Variants in GALNT9 observed in about 807,000 individuals in gnomAD.
The protein encoded by GALNT9 is polypeptide N-acetylgalactosaminyltransferase 9.
Under a neutral mutation model 63.1 loss-of-function variants are expected in GALNT9, and 47 were observed. The observed-to-expected ratio is 0.75, with a 90% confidence interval of 0.59 to 0.95. GALNT9 has a LOEUF of 0.95. Ranked by LOEUF, GALNT9 falls within the 40% of genes least tolerant of loss-of-function variation. The pLI is 0.00. For synonymous variants in GALNT9, 396 were observed against 365.7 expected (o/e 1.08, Z -0.94); for missense variants, 829 against 874.8 (o/e 0.95, Z 0.66).
intron 6 of GALNT9, among the ~76,000 whole-genome samples, chr12:132,239,319 CTG>C (rs1491247119): frequency 2.8e-5 from 2 of 70,474 alleles, no homozygotes; most frequent in East Asian, 4.5e-4. Context: ...CACTGAGAGA[CTG>C]AGAGAGAGAG....
Position 132,215,260 on chromosome 12 carries a change from A to C in GALNT9, c.1078-11570T>G, listed in dbSNP as rs74691071. On this transcript the variant is annotated intron_variant, in intron 6 of 10. Transcript: ENST00000328957. Reference sequence around the variant, plus strand: ...GGTGACACAGCCCAGGCTCTCAGGGACAAAAGTACTTCCTCGCACACCGAG... The same window carrying C: ...GGTGACACAGCCCAGGCTCTCAGGGCCAAAAGTACTTCCTCGCACACCGAG... Among the ~76,000 whole-genome samples, 101 of 152,338 alleles carry C rather than the reference A, an allele frequency of 6.6e-4. 1 individual carries two copies. In the East Asian group the frequency reaches 0.015, roughly 22 times the overall value.
At chr12:132,328,527 A>G (rs1163933355) in intron 1 of GALNT9, among the ~76,000 whole-genome samples, 20 of 152,120 alleles carry the variant, frequency 1.3e-4, no homozygotes, top group Admixed American at 2.0e-4. Flanking sequence ...CAGCCTCCCA[A>G]GTGTGGCGTC....
intron 2 of GALNT9, chr12:132,283,249 TCC>T (rs1555241860): frequency 1.3e-5 from 2 of 152,288 alleles, no homozygotes; most frequent in Non-Finnish European, 2.9e-5. Flanking sequence ...GCAGCCTTCC[TCC>T]CTTACAGCAA....
At chr12:132,266,963 G>T (rs564067892) in intron 2 of GALNT9, among the ~76,000 whole-genome samples, 1 of 152,156 alleles carries the variant, frequency 6.6e-6, no homozygotes. Context: ...GCATCCTGGC[G>T]TCTCTGAGAA....
At chr12:132,287,901 G>A (rs1356908849) in intron 1 of GALNT9, among the ~76,000 whole-genome samples, 1 of 152,118 alleles carries the variant, frequency 6.6e-6, no homozygotes, top group Non-Finnish European at 1.5e-5. Flanking sequence ...GGAGTCTCTG[G>A]GGCATCTTGG....
In GALNT9 at chr12:132,243,829, T is replaced by G. The variant is rs1223903453; in HGVS notation, c.1077+4081A>C. On this transcript the variant is annotated intron_variant, in intron 6 of 10. Transcript: ENST00000328957. ...ATCAGCCGCTGTCCCAGCCCACCCGTCAATCACCCATCAATCACCGGCCAA... is the reference window on the plus strand; with the variant it reads ...ATCAGCCGCTGTCCCAGCCCACCCGGCAATCACCCATCAATCACCGGCCAA... Among the ~76,000 whole-genome samples the G allele has an allele frequency of 2.0e-5, 3 of 152,214 alleles. No homozygotes were observed. The East Asian group carries it at 5.8e-4, about 29-fold the overall frequency.
intron 1 of GALNT9, among the ~76,000 whole-genome samples, chr12:132,322,056 G>C (rs1183350019): frequency 6.6e-6 from 1 of 152,032 alleles, no homozygotes; most frequent in Non-Finnish European, 1.5e-5. Context: ...TGGATTTAGG[G>C]CCCACTAATC....
intron 1 of GALNT9, among the ~76,000 whole-genome samples, chr12:132,290,101 C>A (rs1880749735): frequency 6.6e-6 from 1 of 152,138 alleles, no homozygotes; most frequent in African/African-American, 2.4e-5. Context: ...TCACTGCTCT[C>A]TGCAGTGGCT....
At chr12:132,256,337 C>T (rs1555239080) in intron 5 of GALNT9, among the ~76,000 whole-genome samples, 1 of 151,858 alleles carries the variant, frequency 6.6e-6, no homozygotes, top group Non-Finnish European at 1.5e-5. Context: ...TGAGCCTCTA[C>T]ATCTCACCAC....
At chr12:132,253,263 C>T (rs1555238743) in intron 5 of GALNT9, among the ~76,000 whole-genome samples, 2 of 151,970 alleles carry the variant, frequency 1.3e-5, no homozygotes, top group Non-Finnish European at 1.5e-5. Context: ...CGGATGACTG[C>T]GGGCAGGCCT....
chr12:132,222,755 G>T (rs917377936), intron 6 of GALNT9, among the ~76,000 whole-genome samples: 1 of 151,742 alleles, frequency 6.6e-6, no homozygotes, highest in Non-Finnish European at 1.5e-5. Flanking sequence ...CTGGGAGGCC[G>T]CTTTCTCATG....
Position 132,286,184 on chromosome 12 carries a change from G to A in GALNT9, c.419+66C>T. 1.3e-6 allele frequency: 2 copies of A among 1,489,748 alleles called. No individual in the cohort carries two copies. Among genetic ancestry groups the A allele is most frequent in the Non-Finnish European group, 1.8e-6 (2 of 1,110,694 alleles). 92.3% of individuals were successfully genotyped at this position (1,489,748 alleles called of 1,614,324 possible). A position where few individuals can be genotyped will look rare whatever the true frequency, so the allele number is the denominator to read the frequency against. On this transcript the variant is annotated intron_variant, in intron 2 of 10. Coordinates refer to ENST00000328957, the MANE Select transcript of GALNT9 (RefSeq NM_001122636.2). This position sits in a 1 kb window ranked among gnomAD's most constrained non-coding sequence, Gnocchi z 7.4. ...CGGCGTGGGGGGCAGTCACTTCCCT[G>A]GCCAGTGTGGGGGGCGGTCACTTCC...
intron 1 of GALNT9, 24 bp downstream of exon 1, chr12:132,328,942 C>T: frequency 3.3e-6 from 5 of 1,498,816 alleles, no homozygotes; most frequent in Non-Finnish European, 4.4e-6. Context: ...GCTGCCCCCA[C>T]TCCGCCCCGG....
chr12:132,315,945 G>C lies in GALNT9; in HGVS notation c.238+13021C>G, dbSNP rs571238571. 2.6e-5 allele frequency among the ~76,000 whole-genome samples: 4 copies of C among 152,334 alleles called. No individual in the cohort carries two copies. In the South Asian group the frequency reaches 8.3e-4, roughly 32 times the overall value. On this transcript the variant is annotated intron_variant, in intron 1 of 10. Coordinates refer to ENST00000328957, the MANE Select transcript of GALNT9 (RefSeq NM_001122636.2). The surrounding 1 kb of genome is among the most constrained non-coding windows in gnomAD (Gnocchi z 6.1). ...GAGAAAGCGGACAGCCTCTGGCCCT[G>C]AGAACAGTCTCCAGAATGTTCGAGA...
At chr12:132,325,042 T>C (rs28689573) in intron 1 of GALNT9, among the ~76,000 whole-genome samples, 31,732 of 151,930 alleles carry the variant, frequency 0.21, 3,426 homozygotes, top group East Asian at 0.27. Flanking sequence ...GGGCACAGCT[T>C]TATGAGATGC....
intron 6 of GALNT9, among the ~76,000 whole-genome samples, chr12:132,237,771 C>T (rs1407355550): frequency 6.6e-6 from 1 of 152,212 alleles, no homozygotes; most frequent in Admixed American, 6.5e-5. Context: ...CTGACGCAGC[C>T]TCACCACGTG....
intron 6 of GALNT9, among the ~76,000 whole-genome samples, chr12:132,208,546 ATC>A (rs1565987125): frequency 1.3e-5 from 2 of 152,144 alleles, no homozygotes; most frequent in African/African-American, 4.8e-5. Context: ...ACTCACACCG[ATC>A]TCTGTCTTGT....
intron 6 of GALNT9, among the ~76,000 whole-genome samples, chr12:132,240,926 A>AT (rs1878281682): frequency 1.1e-5 from 1 of 94,494 alleles, no homozygotes; most frequent in East Asian, 3.2e-4. Flanking sequence ...CCCTATCCCC[A>AT]TTACACACAC....
At chr12:132,201,029 T>G in intron 8 of GALNT9, 95 bp downstream of exon 8, 4 of 1,216,512 alleles carry the variant, frequency 3.3e-6, no homozygotes, top group Middle Eastern at 2.3e-4. Context: ...TCCGTGTGCA[T>G]GTGGATGTGC....
Sources: gnomAD v4.1 joint callset for allele counts (sites outside exome capture counted in the v4.1 genomes callset) on GRCh38, gnomAD v4.1.1 for gene constraint, Gnocchi (gnomAD v3.1) non-coding constraint, MANE v1.5 for transcripts, NCBI Gene and HGNC (gene_info 2026-07-23, HGNC 2026-07-21) for gene names.